The following NSD1 variants were observed in gnomAD, a reference collection of about 807,000 sequenced individuals.
NSD1 encodes histone-lysine N-methyltransferase, H3 lysine-36 specific.
NSD1 carries 26 observed loss-of-function variants against 242.7 expected under a neutral mutation model. The ratio of observed to expected loss-of-function variants is 0.11; its 90% CI spans 0.08 to 0.15. The LOEUF (loss-of-function observed/expected upper bound fraction) is 0.15, where lower values mean the gene tolerates loss of function less well. Among genes scored for constraint, NSD1 ranks in the 10% least tolerant of loss-of-function variants. The pLI, the probability that NSD1 is intolerant of heterozygous loss-of-function variation, is 1.00. For missense variants in NSD1, 2,495 were observed against 3,272.8 expected (o/e 0.76, Z 5.80); for synonymous variants, 1,106 against 1,178.1 (o/e 0.94, Z 1.25).
At position 177,210,115 on chromosome 5, in the gene NSD1, C is replaced by T. The variant is rs375093905; in HGVS notation, c.1716C>T (p.Ser572=). 168 of 1,613,268 alleles carry T rather than the reference C, an allele frequency of 1.0e-4. No homozygotes were observed. The highest frequency in any genetic ancestry group is 1.4e-4 in the Non-Finnish European group (164 of 1,179,800). Residue 572 remains serine, a synonymous_variant, in exon 5 of 23, where the codon TCC becomes TCT. Coordinates refer to ENST00000439151, the MANE Select transcript of NSD1 (RefSeq NM_022455.5). ...CCCCAGGAAGTTTTCTGTTTTCTTC[C>T]TGTGGAAAAAACACTGCAAAGAAAG... ...NTAPGSFLFS[S]CGKNTAKKEF...
At chr5:177,291,917 T>A (rs1177670036) in intron 21 of NSD1, 37 bp from the exon 22 acceptor site, 1 of 1,591,780 alleles carries the variant, frequency 6.3e-7, no homozygotes, top group Non-Finnish European at 8.6e-7. Flanking sequence ...TACTAATGTG[T>A]TCACAGAATG....
At chr5:177,223,583 A>G (rs1764409789) in intron 5 of NSD1, among the ~76,000 whole-genome samples, 1 of 152,000 alleles carries the variant, frequency 6.6e-6, no homozygotes, top group African/African-American at 2.4e-5. Context: ...CAAAAAACAA[A>G]ACAAGAGACA....
At chr5:177,162,967 A>T (rs1178158479) in intron 2 of NSD1, among the ~76,000 whole-genome samples, 2 of 151,768 alleles carry the variant, frequency 1.3e-5, no homozygotes, top group African/African-American at 4.8e-5. Flanking sequence ...GTTCAGCCAT[A>T]CCTGGCTAAT....
intron 2 of NSD1, among the ~76,000 whole-genome samples, chr5:177,171,125 G>A (rs1450378566): frequency 2.6e-5 from 4 of 151,536 alleles, no homozygotes; most frequent in Admixed American, 6.6e-5. Flanking sequence ...GATTGAGACC[G>A]TCCTGGCCAA....
Position 177,256,940 on chromosome 5 carries a change from T to C in NSD1, c.4766-11T>C. On this transcript the variant is annotated splice_polypyrimidine_tract_variant and intron_variant, in intron 12 of 22. Transcript: ENST00000439151. ...GAATTCTTACTAATTTATCTTCTTT[T>C]GGCTTCTCAGGAATCCATACCTGTT... 1 of 1,610,732 alleles carries C rather than the reference T, an allele frequency of 6.2e-7. No individual in the cohort carries two copies. Among genetic ancestry groups the C allele is most frequent in the South Asian group, 1.1e-5 (1 of 91,026 alleles).
intron 16 of NSD1, among the ~76,000 whole-genome samples, chr5:177,272,349 A>G (rs2127238311): frequency 6.6e-6 from 1 of 152,204 alleles, no homozygotes; most frequent in East Asian, 1.9e-4. Flanking sequence ...GACAATTTAG[A>G]TGACTCCATG....
intron 5 of NSD1, among the ~76,000 whole-genome samples, chr5:177,230,250 G>A (rs1764954278): frequency 6.6e-6 from 1 of 151,990 alleles, no homozygotes; most frequent in Non-Finnish European, 1.5e-5. Context: ...GCCTCAGTAT[G>A]TTACTTTATT....
intron 4 of NSD1, 91 bp from the exon 5 acceptor site, chr5:177,209,539 AAAAAAG>A: frequency 4.2e-6 from 4 of 947,120 alleles, no homozygotes; most frequent in South Asian, 1.6e-5. Context: ...AAAAAAAAAA[AAAAAAG>A]GAATAAAAAA....
chr5:177,168,215 A>C (rs1759366266), intron 2 of NSD1, among the ~76,000 whole-genome samples: 1 of 152,180 alleles, frequency 6.6e-6, no homozygotes, highest in South Asian at 2.1e-4. Context: ...GGTTAAATTT[A>C]TTCATAGGTA....
chr5:177,141,562 T>C (rs1368395466), intron 2 of NSD1, among the ~76,000 whole-genome samples: 1 of 151,722 alleles, frequency 6.6e-6, no homozygotes, highest in East Asian at 1.9e-4. Context: ...ACCCCTAACC[T>C]CAAGTGATCC....
intron 17 of NSD1, among the ~76,000 whole-genome samples, chr5:177,276,353 C>T (rs1299789901): frequency 6.7e-6 from 1 of 150,370 alleles, no homozygotes; most frequent in Non-Finnish European, 1.5e-5. Flanking sequence ...GAGACAGAGT[C>T]TCACTCTGTT....
chr5:177,200,177 G>C (rs1762409685), intron 3 of NSD1, among the ~76,000 whole-genome samples: 2 of 151,950 alleles, frequency 1.3e-5, no homozygotes, highest in South Asian at 4.2e-4. Flanking sequence ...TGCAACCTCT[G>C]CCTCCTGGGT....
intron 8 of NSD1, among the ~76,000 whole-genome samples, chr5:177,243,659 G>A (rs937895578): frequency 9.2e-5 from 14 of 152,104 alleles, no homozygotes; most frequent in African/African-American, 2.4e-4. Context: ...TTTTTCTTAA[G>A]GAGTAGGTGG....
chr5:177,294,887 G>C lies in NSD1; in HGVS notation c.7519G>C (p.Gly2507Arg). The part of the protein sequence containing the change: ...LGHMPRAVEK[G>R]CVSDPLQTSG... ...GCATATGCCGAGAGCTGTTGAGAAAGGCTGTGTGTCAGATCCTCTTCAGAC... is the reference window on the plus strand; with the variant it reads ...GCATATGCCGAGAGCTGTTGAGAAACGCTGTGTGTCAGATCCTCTTCAGAC... The change falls in exon 23 of 23, where the codon GGC (glycine) becomes CGC (arginine). Residue 2507 changes from glycine (G) to arginine (R), a missense_variant. Gly to Arg is a moderately radical substitution (Grantham distance 125). This residue lies in a region of NSD1 where 475 missense variants were observed against 563.7 expected (regional missense o/e 0.84). Transcript: ENST00000439151. 6.2e-7 allele frequency: 1 copy of C among 1,613,756 alleles called. No homozygotes were observed.
chr5:177,274,080 G>A (rs1189770413), intron 17 of NSD1, among the ~76,000 whole-genome samples: 1 of 152,090 alleles, frequency 6.6e-6, no homozygotes, highest in Non-Finnish European at 1.5e-5. Context: ...CTTGAACCCG[G>A]GAGGCAGAGG....
At chr5:177,232,294 C>T (rs746648673) in intron 5 of NSD1, among the ~76,000 whole-genome samples, 3 of 151,996 alleles carry the variant, frequency 2.0e-5, no homozygotes, top group Non-Finnish European at 2.9e-5. Context: ...GTGGTAGTGC[C>T]GATTATATAA....
chr5:177,186,039 T>C (rs1761178168), intron 2 of NSD1, among the ~76,000 whole-genome samples: 2 of 105,482 alleles, frequency 1.9e-5, no homozygotes. Flanking sequence ...ATTTTTTATA[T>C]ATATAATATA....
intron 2 of NSD1, among the ~76,000 whole-genome samples, chr5:177,167,720 T>C (rs1055080480): frequency 1.3e-5 from 2 of 152,128 alleles, no homozygotes; most frequent in Admixed American, 1.3e-4. Context: ...TATACGATGG[T>C]TTTACTTAGA....
At chr5:177,262,451 C>CA (rs1562272143) in intron 14 of NSD1, among the ~76,000 whole-genome samples, 1 of 151,872 alleles carries the variant, frequency 6.6e-6, no homozygotes, top group East Asian at 1.9e-4. Flanking sequence ...CAAAACAAAA[C>CA]AAAAAACAAC....
Sources: gnomAD v4.1 joint callset for allele counts (sites outside exome capture counted in the v4.1 genomes callset) on GRCh38, gnomAD v4.1.1 for gene constraint, gnomAD v4.1.1 regional missense constraint, MANE v1.5 for transcripts, NCBI Gene and HGNC (gene_info 2026-07-23, HGNC 2026-07-21) for gene names.